BNIP1: variants seen among roughly 807,000 people sequenced by gnomAD.
BNIP1 encodes BCL2 interacting protein 1.
Under a neutral mutation model 28.5 loss-of-function variants are expected in BNIP1, and 25 were observed. That is an observed-to-expected ratio of 0.88 (90% confidence interval 0.64 to 1.23). The LOEUF is 1.23. BNIP1 is among the 50% of genes most tolerant of loss of function. The pLI, the probability that BNIP1 is intolerant of heterozygous loss-of-function variation, is 0.00. For synonymous variants in BNIP1, 118 were observed against 101.7 expected, an observed-to-expected ratio of 1.16 and a Z score of -0.96; for missense variants, 276 against 277.0, an observed-to-expected ratio of 1.00 and a Z score of 0.02.
intron 4 of BNIP1, 74 bp from the exon 5 acceptor site, chr5:173,159,859 A>C: frequency 8.2e-7 from 1 of 1,224,518 alleles, no homozygotes; most frequent in East Asian, 2.3e-5. Flanking sequence ...ATGAGATCTC[A>C]TTTGGATGTG....
chr5:173,152,584 C>T (rs1046477467), intron 2 of BNIP1, among the ~76,000 whole-genome samples: 48 of 152,108 alleles, frequency 3.2e-4, no homozygotes, highest in African/African-American at 1.1e-3. Context: ...CTCCTGACCT[C>T]GTAATCTGCC....
intron 2 of BNIP1, among the ~76,000 whole-genome samples, chr5:173,152,791 GA>G (rs770710523): frequency 3.3e-5 from 5 of 152,146 alleles, no homozygotes; most frequent in Non-Finnish European, 5.9e-5. Flanking sequence ...GGCATAAATT[GA>G]AAGTCATCTC....
intron 3 of BNIP1, among the ~76,000 whole-genome samples, chr5:173,155,404 T>A (rs1760156316): frequency 6.6e-6 from 1 of 152,208 alleles, no homozygotes; most frequent in Non-Finnish European, 1.5e-5. Flanking sequence ...CTCTCTTTTT[T>A]AAAAATACAT....
intron 3 of BNIP1, among the ~76,000 whole-genome samples, chr5:173,156,650 GT>G (rs1252904709): frequency 1.5e-3 from 210 of 136,468 alleles, no homozygotes; most frequent in Middle Eastern, 3.8e-3. Context: ...CTTTTCTTTT[GT>G]TTTTTTTTTT....
At chr5:173,153,233 ATT>A (rs778529133) in intron 2 of BNIP1, among the ~76,000 whole-genome samples, 5 of 140,290 alleles carry the variant, frequency 3.6e-5, no homozygotes, top group Non-Finnish European at 3.1e-5. Context: ...GTCTGACAAC[ATT>A]TTTTTTTTTT....
rs199670821 is a variant in BNIP1 at position 173,146,931 on chromosome 5, A to G, written c.150A>G (p.Lys50=). Residue 50 remains lysine (K), a synonymous_variant, in exon 2 of 6, where the codon AAA becomes AAG. Coordinates refer to ENST00000351486, the MANE Select transcript of BNIP1 (RefSeq NM_001205.3). ...LTELNTKVKE[K]FQQLRHRIQD... ...AACTGAATACTAAAGTAAAAGAGAA[A>G]TTTCAACAGTTGCGTCACAGAATAC... is the stretch of plus-strand genomic sequence containing the variant. 9.3e-6 allele frequency: 15 copies of G among 1,613,870 alleles called. No homozygotes were observed. The highest frequency in any genetic ancestry group is 1.6e-4 in the Middle Eastern group (1 of 6,062).
At position 173,146,938 on chromosome 5, in the gene BNIP1, C is replaced by G. The variant is rs1462192109; in HGVS notation, c.157C>G (p.Gln53Glu). ...LNTKVKEKFQ[Q>E]LRHRIQDLEQ... ...TACTAAAGTAAAAGAGAAATTTCAA[C>G]AGTTGCGTCACAGAATACAGGTGGG... The change falls in exon 2 of 6, where the codon CAG (glutamine) becomes GAG (glutamate). Residue 53 changes from glutamine to glutamate, a missense_variant. Gln to Glu is a conservative substitution (Grantham distance 29). Coordinates refer to ENST00000351486, the MANE Select transcript of BNIP1 (RefSeq NM_001205.3). 6.2e-7 allele frequency: 1 copy of G among 1,613,512 alleles called. No homozygotes were observed. Among genetic ancestry groups the G allele is most frequent in the Non-Finnish European group, 8.5e-7 (1 of 1,179,488 alleles).
intron 2 of BNIP1, among the ~76,000 whole-genome samples, chr5:173,150,413 C>T (rs181483989): frequency 2.6e-4 from 39 of 152,208 alleles, no homozygotes; most frequent in African/African-American, 7.9e-4. Flanking sequence ...TGTCTGTGTC[C>T]TGTGTTTGCC....
chr5:173,160,070 T>G lies in BNIP1; in HGVS notation c.490+19T>G, dbSNP rs767808313. 2 of 1,607,444 alleles carry G rather than the reference T, an allele frequency of 1.2e-6. No homozygotes were observed. The highest frequency in any genetic ancestry group is 4.5e-5 in the East Asian group (2 of 44,798). On this transcript the variant is annotated intron_variant, in intron 5 of 5. Coordinates refer to ENST00000351486, the MANE Select transcript of BNIP1 (RefSeq NM_001205.3). ...TCTCTAGGTAAAGCTGGGCCTGGAG[T>G]AGGAAGCTTCTCCCAGAGACGCTGC... is the stretch of plus-strand genomic sequence containing the variant.
intron 3 of BNIP1, among the ~76,000 whole-genome samples, chr5:173,156,654 T>G (rs1760197239): frequency 6.7e-6 from 1 of 149,854 alleles, no homozygotes; most frequent in Admixed American, 6.6e-5. Context: ...TCTTTTGTTT[T>G]TTTTTTTTTT....
At chr5:173,149,562 C>T (rs919202793) in intron 2 of BNIP1, among the ~76,000 whole-genome samples, 3 of 152,006 alleles carry the variant, frequency 2.0e-5, no homozygotes, top group African/African-American at 7.3e-5. Context: ...TCTTGTGGCA[C>T]CTGGTCTTGT....
At chr5:173,145,251 G>C (rs1440152621) in intron 1 of BNIP1, among the ~76,000 whole-genome samples, 1 of 152,186 alleles carries the variant, frequency 6.6e-6, no homozygotes, top group Non-Finnish European at 1.5e-5. Flanking sequence ...GTGTTACCCC[G>C]TTTGAACAGA....
At position 173,154,319 on chromosome 5, in the gene BNIP1, A is replaced by G. The variant is rs1253727425; in HGVS notation, c.178-3A>G. ...TTTAACATGGAATTATTTTTCCTCA[A>G]AGGACCTGGAGCAGTTGGCTAAAGA... On this transcript the variant is annotated splice_region_variant and splice_polypyrimidine_tract_variant and intron_variant, in intron 2 of 5. Coordinates refer to ENST00000351486, the MANE Select transcript of BNIP1 (RefSeq NM_001205.3). 6.2e-7 allele frequency: 1 copy of G among 1,609,502 alleles called. No homozygotes were observed. Among genetic ancestry groups the G allele is most frequent in the Admixed American group, 1.7e-5 (1 of 58,674 alleles).
chr5:173,159,808 G>A lies in BNIP1; in HGVS notation c.372-125G>A, dbSNP rs115916264. On this transcript the variant is annotated intron_variant, in intron 4 of 5. Coordinates refer to ENST00000351486, the MANE Select transcript of BNIP1 (RefSeq NM_001205.3). Reference sequence around the variant, plus strand: ...CAGCACACCCTTTCCAGCATTGAATGTGATCATTTAAAATATGTATACTAA... The same window carrying A: ...CAGCACACCCTTTCCAGCATTGAATATGATCATTTAAAATATGTATACTAA... 3.5e-4 allele frequency: 295 copies of A among 835,852 alleles called. No individual in the cohort carries two copies. In the African/African-American group the frequency reaches 4.8e-3, roughly 14 times the overall value. 51.8% of individuals were successfully genotyped at this position (835,852 alleles called of 1,614,324 possible). A position where few individuals can be genotyped will look rare whatever the true frequency, so the allele number is the denominator to read the frequency against.
intron 2 of BNIP1, among the ~76,000 whole-genome samples, chr5:173,153,020 A>G (rs1262322667): frequency 6.6e-6 from 1 of 151,728 alleles, no homozygotes; most frequent in African/African-American, 2.4e-5. Flanking sequence ...CTTTTATCTG[A>G]AGTTCTTGGG....
chr5:173,145,319 G>A (rs1014891632), intron 1 of BNIP1, among the ~76,000 whole-genome samples: 5 of 152,208 alleles, frequency 3.3e-5, no homozygotes, highest in Non-Finnish European at 5.9e-5. Context: ...ATAAACGAGT[G>A]GACTTAGGCA....
intron 3 of BNIP1, among the ~76,000 whole-genome samples, chr5:173,157,928 T>G (rs56801103): frequency 0.029 from 4,216 of 146,758 alleles, 204 homozygotes; most frequent in African/African-American, 0.097. Flanking sequence ...GTGTGTGTGT[T>G]TTTTTTTTTT....
At position 173,146,850 on chromosome 5, in the gene BNIP1, G is replaced by A; in HGVS notation, c.85-16G>A. 3 of 1,599,932 alleles carry A rather than the reference G, an allele frequency of 1.9e-6. No individual in the cohort carries two copies. The highest frequency in any genetic ancestry group is 1.1e-5 in the South Asian group (1 of 90,752). On this transcript the variant is annotated splice_polypyrimidine_tract_variant and intron_variant, in intron 1 of 5. Transcript: ENST00000351486. Reference sequence around the variant, plus strand: ...TTGCCTTGAGAAAGGCCTTTCATCTGTTCAATGTCTCCTAGGATATCCGTG... The same window carrying A: ...TTGCCTTGAGAAAGGCCTTTCATCTATTCAATGTCTCCTAGGATATCCGTG...
chr5:173,157,145 G>A (rs1760224507), intron 3 of BNIP1, among the ~76,000 whole-genome samples: 1 of 152,226 alleles, frequency 6.6e-6, no homozygotes, highest in South Asian at 2.1e-4. Context: ...CCAGGGTCCT[G>A]CAGAACCCCC....
Sources: allele counts gnomAD v4.1 joint callset (sites outside exome capture counted in the v4.1 genomes callset), GRCh38; gene constraint gnomAD v4.1.1; transcripts MANE v1.5; gene names NCBI Gene and HGNC (gene_info 2026-07-23, HGNC 2026-07-21).